SLC8A3: variants seen among roughly 807,000 people sequenced by gnomAD.
The protein encoded by SLC8A3 is solute carrier family 8 member A3.
A neutral mutation model predicts 65.4 loss-of-function variants in SLC8A3; 37 were observed. The ratio of observed to expected loss-of-function variants is 0.57; its 90% confidence interval spans 0.44 to 0.74. The LOEUF (loss-of-function observed/expected upper bound fraction) is 0.74. SLC8A3 is among the 30% of genes least tolerant of loss of function. SLC8A3 has a pLI of 0.00. For missense variants in SLC8A3, 1,112 were observed against 1,172.1 expected (o/e 0.95, Z 0.75); for synonymous variants, 461 against 444.5 (o/e 1.04, Z -0.47).
chr14:70,162,778 TG>T (rs1390542205), intron 2 of SLC8A3, among the ~76,000 whole-genome samples: 1 of 152,204 alleles, frequency 6.6e-6, no homozygotes, highest in Non-Finnish European at 1.5e-5. Flanking sequence ...AGGATTCTTC[TG>T]GATCATGAAG....
chr14:70,057,191 G>A (rs751134494), intron 3 of SLC8A3, among the ~76,000 whole-genome samples: 1 of 152,080 alleles, frequency 6.6e-6, no homozygotes, highest in Non-Finnish European at 1.5e-5. Flanking sequence ...CATAAACAAG[G>A]CAGTTCACTT....
At chr14:70,169,671 T>G (rs1897372964) in intron 1 of SLC8A3, among the ~76,000 whole-genome samples, 1 of 70,452 alleles carries the variant, frequency 1.4e-5, no homozygotes, top group Admixed American at 2.0e-4. Context: ...TACCATGGAA[T>G]AGCTAAAAAA....
chr14:70,047,519 T>G (rs1418531494), intron 6 of SLC8A3: 2 of 152,244 alleles, frequency 1.3e-5, no homozygotes, highest in Admixed American at 1.3e-4. Flanking sequence ...AACCTTCTGA[T>G]GCATTTCCAC....
intron 2 of SLC8A3, among the ~76,000 whole-genome samples, chr14:70,120,630 G>T (rs1489059910): frequency 1.3e-5 from 2 of 152,196 alleles, no homozygotes; most frequent in Non-Finnish European, 2.9e-5. Flanking sequence ...CAGCCAGGGG[G>T]TTGAGACAGC....
intron 6 of SLC8A3, chr14:70,048,519 G>A (rs1272708992): frequency 1.6e-6 from 1 of 625,468 alleles, no homozygotes; most frequent in Admixed American, 2.4e-5. Context: ...AAACATTACA[G>A]GGGGAAAATG....
At chr14:70,058,744 G>A (rs1401380464) in intron 3 of SLC8A3, among the ~76,000 whole-genome samples, 1 of 152,178 alleles carries the variant, frequency 6.6e-6, no homozygotes, top group Non-Finnish European at 1.5e-5. Context: ...CTTTTTACTG[G>A]TGGAATAAAG....
At chr14:70,058,485 G>A (rs1023150434) in intron 3 of SLC8A3, among the ~76,000 whole-genome samples, 12 of 152,156 alleles carry the variant, frequency 7.9e-5, no homozygotes, top group African/African-American at 2.4e-4. Flanking sequence ...TTGGCATCTC[G>A]GTCACTGGGG....
At chr14:70,117,576 A>C (rs1417013714) in intron 2 of SLC8A3, among the ~76,000 whole-genome samples, 1 of 152,230 alleles carries the variant, frequency 6.6e-6, no homozygotes, top group Non-Finnish European at 1.5e-5. Context: ...TAGACCTGTG[A>C]GTATGAATTA....
chr14:70,049,029 A>C lies in SLC8A3; in HGVS notation c.2127T>G (p.Asp709Glu). ...AITVSAAGDEDEDESGEERLP... is the reference protein window; with the variant it reads ...AITVSAAGDEEEDESGEERLP... Reference sequence around the variant, plus strand: ...GCCTCTCCTCCCCGGATTCATCCTCATCCTCATCCCCTGCTGAAGGCAAGA... The same window carrying C: ...GCCTCTCCTCCCCGGATTCATCCTCCTCCTCATCCCCTGCTGAAGGCAAGA... The change falls in exon 6 of 7, where the codon GAT (aspartate) becomes GAG (glutamate). Residue 709 changes from aspartate (D) to glutamate (E), a missense_variant. Coordinates refer to ENST00000356921, the MANE Select transcript of SLC8A3 (RefSeq NM_182932.3). The C allele has an allele frequency of 6.2e-7, 1 of 1,607,588 alleles. No homozygotes were observed.
At chr14:70,102,291 A>T (rs1892598233) in intron 2 of SLC8A3, among the ~76,000 whole-genome samples, 1 of 152,230 alleles carries the variant, frequency 6.6e-6, no homozygotes, top group South Asian at 2.1e-4. Context: ...AAATAGGCTC[A>T]CTGTAACAAA....
At chr14:70,100,624 C>A (rs1892495061) in intron 2 of SLC8A3, among the ~76,000 whole-genome samples, 1 of 152,218 alleles carries the variant, frequency 6.6e-6, no homozygotes, top group Admixed American at 6.5e-5. Context: ...CCTCACAGGA[C>A]TTCCTTTGTG....
At chr14:70,130,346 C>T (rs1353407043) in intron 2 of SLC8A3, among the ~76,000 whole-genome samples, 1 of 152,232 alleles carries the variant, frequency 6.6e-6, no homozygotes, top group African/African-American at 2.4e-5. Context: ...TGTAACAATG[C>T]TGATGGCTGG....
At chr14:70,131,333 G>A (rs1006567697) in intron 2 of SLC8A3, among the ~76,000 whole-genome samples, 5 of 152,178 alleles carry the variant, frequency 3.3e-5, no homozygotes, top group African/African-American at 4.8e-5. Flanking sequence ...AGAAGAGGGA[G>A]GCAGAGTATG....
intron 2 of SLC8A3, among the ~76,000 whole-genome samples, chr14:70,165,756 T>C (rs1177400246): frequency 2.0e-5 from 3 of 152,140 alleles, no homozygotes; most frequent in African/African-American, 7.2e-5. Context: ...GACAGAAGTG[T>C]AATACCCACA....
chr14:70,078,593 G>C (rs565387964), intron 2 of SLC8A3, among the ~76,000 whole-genome samples: 1 of 152,238 alleles, frequency 6.6e-6, no homozygotes, highest in East Asian at 1.9e-4. Flanking sequence ...ACTTCCCACT[G>C]ATGGCTGGCT....
intron 2 of SLC8A3, among the ~76,000 whole-genome samples, chr14:70,145,721 A>G (rs758130390): frequency 2.2e-4 from 33 of 152,120 alleles, no homozygotes; most frequent in Non-Finnish European, 3.5e-4. Flanking sequence ...AAACGTATAA[A>G]CTCATCTGCC....
intron 2 of SLC8A3, among the ~76,000 whole-genome samples, chr14:70,157,321 A>C (rs1308424771): frequency 6.6e-6 from 1 of 152,126 alleles, no homozygotes; most frequent in East Asian, 1.9e-4. Context: ...CTTATCATGG[A>C]ATTCCCATGG....
chr14:70,187,374 A>G (rs1016591953), intron 1 of SLC8A3: 3 of 165,072 alleles, frequency 1.8e-5, no homozygotes, highest in Non-Finnish European at 3.9e-5. Flanking sequence ...ATGAGCGGGT[A>G]AATTTATGGT....
At chr14:70,061,110 T>G (rs1398726470) in intron 2 of SLC8A3, among the ~76,000 whole-genome samples, 171 bp from the exon 3 acceptor site, 1 of 152,158 alleles carries the variant, frequency 6.6e-6, no homozygotes, top group African/African-American at 2.4e-5. Flanking sequence ...AGGTAATAAA[T>G]GGTCTTAGTT....
Sources: gnomAD v4.1 joint callset for allele counts (sites outside exome capture counted in the v4.1 genomes callset) on GRCh38, gnomAD v4.1.1 for gene constraint, MANE v1.5 for transcripts, NCBI Gene and HGNC (gene_info 2026-07-23, HGNC 2026-07-21) for gene names.